PRPSAP2: variants seen among roughly 807,000 people sequenced by gnomAD.
The protein encoded by PRPSAP2 is phosphoribosyl pyrophosphate synthetase associated protein 2, also known as phosphoribosyl pyrophosphate synthase-associated protein 2.
PRPSAP2 carries 24 observed loss-of-function variants against 40.6 expected under a neutral mutation model. The observed-to-expected ratio is 0.59, with a 90% CI of 0.43 to 0.83. PRPSAP2 has a LOEUF of 0.83. Among genes scored for constraint, PRPSAP2 ranks in the 40% least tolerant of loss-of-function variants. The pLI is 0.00. For synonymous variants in PRPSAP2, 149 were observed against 164.7 expected (o/e 0.90, Z 0.73); for missense variants, 292 against 465.6 (o/e 0.63, Z 3.43).
chr17:18,911,308 G>T lies in PRPSAP2; in HGVS notation c.733+57G>T. On this transcript the variant is annotated intron_variant, in intron 9 of 11. Coordinates refer to ENST00000268835, the MANE Select transcript of PRPSAP2 (RefSeq NM_002767.4). This position sits in a 1 kb window ranked among gnomAD's most constrained non-coding sequence, Gnocchi z 4.5. ...CTCTGATTTTAAGGCTGACTACACT[G>T]TTGTCTGTGTGGTTTTTTTCCTCAT... is the stretch of plus-strand genomic sequence containing the variant. 4 of 1,444,484 alleles carry T rather than the reference G, an allele frequency of 2.8e-6. No homozygotes were observed. The highest frequency in any genetic ancestry group is 2.8e-6 in the Non-Finnish European group (3 of 1,089,142). The allele number at this position is 1,444,484 out of a possible 1,614,324, so 89.5% of individuals were successfully genotyped here.
At chr17:18,868,944 T>A (rs2037638674) in intron 4 of PRPSAP2, among the ~76,000 whole-genome samples, 1 of 152,106 alleles carries the variant, frequency 6.6e-6, no homozygotes, top group Non-Finnish European at 1.5e-5. Context: ...GTTCCCATGT[T>A]TATCTCCGTT....
At chr17:18,929,076 G>T in intron 11 of PRPSAP2, 119 bp downstream of exon 11, 1 of 1,418,146 alleles carries the variant, frequency 7.1e-7, no homozygotes. Flanking sequence ...CGATTCAAGG[G>T]CTGGGTGCAG....
In PRPSAP2 at chr17:18,915,339, T is replaced by C. The variant is rs117553845; in HGVS notation, c.733+4088T>C. On this transcript the variant is annotated intron_variant, in intron 9 of 11. Coordinates refer to ENST00000268835, the MANE Select transcript of PRPSAP2 (RefSeq NM_002767.4). The stretch of plus-strand genomic sequence containing the variant: ...CCATGACCAGCCTACTGTCTGTTTT[T>C]CTACTAGCATTGTGATCATGACCAC... Among the ~76,000 whole-genome samples, 103 of 152,286 alleles carry C rather than the reference T, an allele frequency of 6.8e-4. No individual in the cohort carries two copies. The East Asian group carries it at 0.019, about 28-fold the overall frequency.
chr17:18,902,869 C>CAAAA (rs58345106), intron 8 of PRPSAP2, among the ~76,000 whole-genome samples: 3 of 73,302 alleles, frequency 4.1e-5, no homozygotes, highest in African/African-American at 5.4e-5. Flanking sequence ...AACTCCATCT[C>CAAAA]AAAAAAAAAA....
intron 8 of PRPSAP2, among the ~76,000 whole-genome samples, chr17:18,894,770 A>G (rs1034816865): frequency 5.3e-5 from 8 of 152,212 alleles, no homozygotes; most frequent in African/African-American, 1.9e-4. Context: ...GGCGTGAGTC[A>G]CCACGCCCAG....
intron 8 of PRPSAP2, among the ~76,000 whole-genome samples, chr17:18,910,467 AC>A (rs1180253430): frequency 6.6e-6 from 1 of 152,182 alleles, no homozygotes; most frequent in African/African-American, 2.4e-5. Flanking sequence ...GATTTCACTT[AC>A]GTGAAATTCT....
intron 8 of PRPSAP2, among the ~76,000 whole-genome samples, chr17:18,909,859 C>T (rs1398659200): frequency 1.3e-5 from 2 of 151,808 alleles, no homozygotes; most frequent in African/African-American, 2.4e-5. Flanking sequence ...CACTGCACTC[C>T]AGCCTGAGCA....
intron 6 of PRPSAP2, among the ~76,000 whole-genome samples, chr17:18,881,506 G>A (rs1472899355): frequency 6.6e-6 from 1 of 151,936 alleles, no homozygotes; most frequent in Non-Finnish European, 1.5e-5. Context: ...CCAAAGTGCT[G>A]GGATTACAGG....
At chr17:18,925,253 T>A (rs1257149469) in intron 10 of PRPSAP2, among the ~76,000 whole-genome samples, 1 of 152,180 alleles carries the variant, frequency 6.6e-6, no homozygotes, top group Non-Finnish European at 1.5e-5. Context: ...GAATGAACAC[T>A]GGGTACCCGC....
In PRPSAP2 at chr17:18,928,836, G is replaced by T; in HGVS notation, c.830G>T (p.Ser277Ile). The change falls in exon 11 of 12, where the codon AGC becomes ATC. Residue 277 changes from serine (S) to isoleucine (I), a missense_variant. Ser to Ile is a moderately radical substitution (Grantham distance 142). Around this residue, in one of 2 missense-constraint regions of PRPSAP2, gnomAD observed 241 missense variants for 425.7 expected, o/e 0.57. Coordinates refer to ENST00000268835, the MANE Select transcript of PRPSAP2 (RefSeq NM_002767.4). ...IVDDIIDDVD[S>I]FLAAAETLKE... is the part of the protein sequence containing the mutation. The stretch of plus-strand genomic sequence containing the variant: ...GATGACATCATTGATGATGTTGACA[G>T]CTTTCTTGCTGCAGCAGAGACCCTG... 2 of 1,614,016 alleles carry T rather than the reference G, an allele frequency of 1.2e-6. No homozygotes were observed. Among genetic ancestry groups the T allele is most frequent in the Non-Finnish European group, 1.7e-6 (2 of 1,179,936 alleles).
chr17:18,914,877 A>G (rs1474939419), intron 9 of PRPSAP2, among the ~76,000 whole-genome samples: 1 of 151,822 alleles, frequency 6.6e-6, no homozygotes, highest in Non-Finnish European at 1.5e-5. Flanking sequence ...GGTGCACACC[A>G]CCACACCTGG....
rs139044244 is a variant in PRPSAP2 at position 18,878,824 on chromosome 17, G to A, written c.412+954G>A. Among the ~76,000 whole-genome samples, 599 of 151,926 alleles carry A rather than the reference G, an allele frequency of 3.9e-3. 5 individuals are homozygous for A. Among genetic ancestry groups the A allele is most frequent in the African/African-American group, 0.014 (565 of 41,420 alleles). On this transcript the variant is annotated intron_variant, in intron 6 of 11. Coordinates refer to ENST00000268835, the MANE Select transcript of PRPSAP2 (RefSeq NM_002767.4). Reference sequence around the variant, plus strand: ...CTCCCAAAGTGCTGGGATTACAGGCGTAAGCCACTGCACCCGGCCTATGAT... The same window carrying A: ...CTCCCAAAGTGCTGGGATTACAGGCATAAGCCACTGCACCCGGCCTATGAT...
At chr17:18,924,320 G>A (rs976368238) in intron 10 of PRPSAP2, among the ~76,000 whole-genome samples, 5 of 152,288 alleles carry the variant, frequency 3.3e-5, no homozygotes, top group East Asian at 1.9e-4. Flanking sequence ...GATTACAGGC[G>A]TGAGCCACTG....
rs2040976996 is a variant in PRPSAP2, at chr17:18,911,869, A to C, written c.733+618A>C. On this transcript the variant is annotated intron_variant, in intron 9 of 11. Coordinates refer to ENST00000268835, the MANE Select transcript of PRPSAP2 (RefSeq NM_002767.4). The surrounding 1 kb of genome is among the most constrained non-coding windows in gnomAD (Gnocchi z 4.5). ...CACAGTTCTAGAGGCTGTGAAGGTC[A>C]AGATAAAGGCGCCAGCACTGACCCC... 6.6e-6 allele frequency among the ~76,000 whole-genome samples: 1 copy of C among 152,256 alleles called. No individual in the cohort carries two copies. Among genetic ancestry groups the C allele is most frequent in the African/African-American group, 2.4e-5 (1 of 41,478 alleles).
At chr17:18,900,509 CA>C (rs1476228499) in intron 8 of PRPSAP2, among the ~76,000 whole-genome samples, 8 of 152,000 alleles carry the variant, frequency 5.3e-5, no homozygotes, top group African/African-American at 7.2e-5. Context: ...TGTCTTTTTT[CA>C]TTCATATTGA....
At chr17:18,913,541 C>CTGTTTT (rs2041096078) in intron 9 of PRPSAP2, among the ~76,000 whole-genome samples, 1 of 73,952 alleles carries the variant, frequency 1.4e-5, no homozygotes, top group Non-Finnish European at 2.5e-5. Context: ...GCGTCTGGTT[C>CTGTTTT]TTTTTTTTTT....
At chr17:18,884,189 C>T (rs1468906516) in intron 7 of PRPSAP2, among the ~76,000 whole-genome samples, 2 of 152,104 alleles carry the variant, frequency 1.3e-5, no homozygotes, top group Non-Finnish European at 2.9e-5. Flanking sequence ...ATTGCTTGAA[C>T]CTGGGAGGTG....
chr17:18,895,568 GTTTTTC>G (rs2039863831), intron 8 of PRPSAP2, among the ~76,000 whole-genome samples: 1 of 150,546 alleles, frequency 6.6e-6, no homozygotes, highest in African/African-American at 2.4e-5. Flanking sequence ...TATGGGCCAT[GTTTTTC>G]TTTTTTTTAA....
intron 5 of PRPSAP2, among the ~76,000 whole-genome samples, chr17:18,877,207 G>A (rs2038361300): frequency 6.6e-6 from 1 of 152,188 alleles, no homozygotes. Flanking sequence ...ATTTGGGAGA[G>A]ACTGAGAGTA....
Sources: allele counts gnomAD v4.1 joint callset (sites outside exome capture counted in the v4.1 genomes callset), GRCh38; gene constraint gnomAD v4.1.1; regional missense constraint gnomAD v4.1.1; non-coding constraint Gnocchi (gnomAD v3.1); transcripts MANE v1.5; gene names NCBI Gene and HGNC (gene_info 2026-07-23, HGNC 2026-07-21).